Variants in WNT8A observed in about 807,000 individuals in gnomAD.
The protein encoded by WNT8A is Wnt family member 8A.
In WNT8A, 14 loss-of-function variants were observed where a neutral mutation model predicts 20.5. The ratio of observed to expected loss-of-function variants is 0.68; its 90% CI spans 0.45 to 1.07. The LOEUF is 1.07. Among genes scored for constraint, WNT8A ranks in the 50% least tolerant of loss-of-function variants. WNT8A has a pLI of 0.00. For synonymous variants in WNT8A, 167 were observed against 169.2 expected (o/e 0.99, Z 0.10); for missense variants, 397 against 462.9 (o/e 0.86, Z 1.31).
intron 4 of WNT8A, 29 bp downstream of exon 4, chr5:138,089,098 CT>C (rs1237830857): frequency 6.2e-7 from 1 of 1,605,548 alleles, no homozygotes; most frequent in Middle Eastern, 1.9e-4. Flanking sequence ...GCCAGTATTT[CT>C]ACAGCTTCAC....
At position 138,088,959 on chromosome 5, in the gene WNT8A, G is replaced by A. The variant is rs897535340; in HGVS notation, c.454G>A (p.Asp152Asn). The A allele has an allele frequency of 1.2e-5, 19 of 1,613,866 alleles. No individual in the cohort carries two copies. The highest frequency in any genetic ancestry group is 3.3e-5 in the Admixed American group (2 of 59,976). The change falls in exon 4 of 5, where the codon GAC (aspartate) becomes AAC (asparagine). Residue 152 changes from aspartate (D) to asparagine (N), a missense_variant. By Grantham distance (23) the Asp-to-Asn change is conservative. Transcript: ENST00000506684. ...TGGCTGGATCTGGGGAGGCTGCAGC[G>A]ACAATGTGGAATTTGGGGAAAGGAT... ...GHGWIWGGCS[D>N]NVEFGERISK...
chr5:138,087,986 TG>T (rs1293949457), intron 3 of WNT8A, 55 bp downstream of exon 3: 21 of 1,603,152 alleles, frequency 1.3e-5, no homozygotes, highest in Non-Finnish European at 1.8e-5. Context: ...CAGAGCTGAG[TG>T]CAGACTAAAG....
chr5:138,084,458 C>G, intron 1 of WNT8A, 40 bp from the exon 2 acceptor site: 2 of 1,567,234 alleles, frequency 1.3e-6, no homozygotes, highest in South Asian at 2.4e-5. Context: ...ACAGATGACC[C>G]ATACCGGGCA....
upstream of WNT8A, among the ~76,000 whole-genome samples, chr5:138,080,702 G>A (rs1023904596): frequency 6.6e-5 from 10 of 151,848 alleles, no homozygotes; most frequent in Non-Finnish European, 1.2e-4. Context: ...CTGAGCTCAG[G>A]CGATCCTCCC....
At chr5:138,090,241 G>A (rs1750801052) in intron 4 of WNT8A, among the ~76,000 whole-genome samples, 1 of 152,176 alleles carries the variant, frequency 6.6e-6, no homozygotes, top group South Asian at 2.1e-4. Flanking sequence ...GTTGAGCCTG[G>A]AGCAGAGGTT....
chr5:138,090,839 G>A lies in WNT8A; in HGVS notation c.876G>A (p.Glu292=). Residue 292 remains glutamate, a synonymous_variant, in exon 5 of 5, where the codon GAG becomes GAA. Transcript: ENST00000506684. ...GCATCTATGGCACAGAGGGTCGTGA[G>A]TGCCTACAGAACAGCCACAACACAT... ...SLGIYGTEGR[E]CLQNSHNTSR... is the part of the protein sequence containing the mutation. 3.1e-6 allele frequency: 5 copies of A among 1,614,214 alleles called. No homozygotes were observed. Among genetic ancestry groups the A allele is most frequent in the East Asian group, 2.2e-5 (1 of 44,890 alleles).
chr5:138,089,924 C>A (rs1047660110), intron 4 of WNT8A, among the ~76,000 whole-genome samples: 1 of 152,136 alleles, frequency 6.6e-6, no homozygotes. Context: ...AGCCTCCCAA[C>A]GTCTTGGAAT....
rs750798412 is a variant in WNT8A at position 138,084,617 on chromosome 5, C to A, written c.276C>A (p.Thr92=). The change falls in exon 2 of 5, where the codon ACC becomes ACA. Residue 92 remains threonine (T), a synonymous_variant. Transcript: ENST00000506684. Reference sequence around the variant, plus strand: ...CTGAAAATGCTCTTCAGCTCTCCACCCACAACAGGCTGAGAAGTGGTAAGT... The same window carrying A: ...CTGAAAATGCTCTTCAGCTCTCCACACACAACAGGCTGAGAAGTGGTAAGT... The part of the protein sequence containing the change: ...NCPENALQLS[T]HNRLRSATRE... 2 of 1,610,316 alleles carry A rather than the reference C, an allele frequency of 1.2e-6. No individual in the cohort carries two copies. Among genetic ancestry groups the A allele is most frequent in the Non-Finnish European group, 1.7e-6 (2 of 1,177,944 alleles).
At chr5:138,080,395 G>A (rs2151142144), upstream of WNT8A, among the ~76,000 whole-genome samples, 1 of 134,146 alleles carries the variant, frequency 7.5e-6, no homozygotes, top group South Asian at 2.6e-4. Flanking sequence ...AAGAAGATAA[G>A]ATTTCTGGCC....
rs1750853146 is a variant in WNT8A at position 138,091,457 on chromosome 5, A to G, written c.*384A>G. 3.7e-6 allele frequency: 5 copies of G among 1,355,868 alleles called. No individual in the cohort carries two copies. The highest frequency in any genetic ancestry group is 2.1e-4 in the Middle Eastern group (1 of 4,816). The allele number at this position is 1,355,868 out of a possible 1,614,324, so 84.0% of individuals were successfully genotyped here. A position where few individuals can be genotyped will look rare whatever the true frequency, so the allele number is the denominator to read the frequency against. On this transcript the variant is annotated 3_prime_UTR_variant, in exon 5 of 5. Transcript: ENST00000506684. ...CAACCCAGCTGTGCTGCTGGGAATC[A>G]GGAGAATAGAAGCAAAAAACGAAAG...
chr5:138,086,818 T>C (rs112443749), intron 2 of WNT8A, among the ~76,000 whole-genome samples: 24,523 of 145,482 alleles, frequency 0.17, 2,128 homozygotes, highest in Non-Finnish European at 0.18. Context: ...GTGGATCACT[T>C]GAGCCCAGGA....
upstream of WNT8A, among the ~76,000 whole-genome samples, chr5:138,083,706 G>A (rs1444806208): frequency 2.0e-5 from 3 of 152,196 alleles, no homozygotes; most frequent in African/African-American, 7.2e-5. Flanking sequence ...CCTGCCTTCA[G>A]GGTTAAGGAC....
At chr5:138,087,676 A>ATT in intron 2 of WNT8A, 130 bp from the exon 3 acceptor site, 1 of 777,496 alleles carries the variant, frequency 1.3e-6, no homozygotes, top group East Asian at 3.2e-5. Flanking sequence ...AAAAAAAAAG[A>ATT]AAGAAAAGCA....
chr5:138,084,873 A>G (rs894625265), intron 2 of WNT8A, among the ~76,000 whole-genome samples: 3 of 151,962 alleles, frequency 2.0e-5, no homozygotes, highest in South Asian at 2.1e-4. Context: ...GAAGTATCCT[A>G]TGGGTTGAAT....
chr5:138,080,720 C>A (rs1750491165), upstream of WNT8A, among the ~76,000 whole-genome samples: 1 of 152,004 alleles, frequency 6.6e-6, no homozygotes. Context: ...CCCCACTCAG[C>A]CTCCCAAAGG....
intron 3 of WNT8A, among the ~76,000 whole-genome samples, chr5:138,088,460 C>T (rs1460587019): frequency 6.6e-6 from 1 of 151,822 alleles, no homozygotes; most frequent in Non-Finnish European, 1.5e-5. Flanking sequence ...AGGTTCACGC[C>T]ATTCTCCTGC....
In WNT8A at chr5:138,091,037, AGGCAGTGCCCAGTCCCTGGGTAAG is replaced by A; in HGVS notation, c.1084_1107del (p.Gln362_Ala369del). The stretch of plus-strand genomic sequence containing the variant: ...GCAAGTATTACTGCGCACGCTCCCC[AGGCAGTGCCCAGTCCCTGGGTAAG>A]GGCAGTGCCTGATAATACCCCACAC... On this transcript the variant is annotated inframe_deletion, in exon 5 of 5. Transcript: ENST00000506684. 1 of 1,613,528 alleles carries A rather than the reference AGGCAGTGCCCAGTCCCTGGGTAAG, an allele frequency of 6.2e-7. No individual in the cohort carries two copies.
rs1392479016 is a variant in WNT8A, at chr5:138,084,049, T to A, written c.-79T>A. The A allele has an allele frequency of 6.3e-7, 1 of 1,591,644 alleles. No individual in the cohort carries two copies. The highest frequency in any genetic ancestry group is 1.7e-5 in the Admixed American group (1 of 58,796). On this transcript the variant is annotated 5_prime_UTR_variant, in exon 1 of 5. Transcript: ENST00000506684. The stretch of plus-strand genomic sequence containing the variant: ...TGCCCTCTCCTCACTTCTCTGGACT[T>A]GGCCCTGAGCTGGACCTGGTCCACT...
chr5:138,080,372 A>G (rs2151142125), upstream of WNT8A, among the ~76,000 whole-genome samples: 1 of 147,062 alleles, frequency 6.8e-6, no homozygotes, highest in East Asian at 2.1e-4. Flanking sequence ...GATAATTCCA[A>G]CGCTCGCAAC....
Sources: allele counts gnomAD v4.1 joint callset (sites outside exome capture counted in the v4.1 genomes callset), GRCh38; gene constraint gnomAD v4.1.1; transcripts MANE v1.5; gene names NCBI Gene and HGNC (gene_info 2026-07-23, HGNC 2026-07-21).